Variants in ARFGEF1 observed in about 807,000 individuals in gnomAD.
ARFGEF1 encodes ARF guanine nucleotide exchange factor 1.
A neutral mutation model predicts 231.0 loss-of-function variants in ARFGEF1; 42 were observed. The observed-to-expected ratio is 0.18, with a 90% CI of 0.14 to 0.24. ARFGEF1 has a LOEUF of 0.24. ARFGEF1 is among the 10% of genes least tolerant of loss of function. The pLI is 1.00. For missense variants in ARFGEF1, 1,345 were observed against 2,192.0 expected, an observed-to-expected ratio of 0.61 and a Z score of 7.72; for synonymous variants, 710 against 732.3, an observed-to-expected ratio of 0.97 and a Z score of 0.49.
intron 1 of ARFGEF1, among the ~76,000 whole-genome samples, chr8:67,308,799 T>C (rs1425176373): frequency 6.6e-6 from 1 of 152,182 alleles, no homozygotes; most frequent in African/African-American, 2.4e-5. Flanking sequence ...ACATATTAAT[T>C]GTATATATTA....
At position 67,211,493 on chromosome 8, in the gene ARFGEF1, T is replaced by C; in HGVS notation, c.4809A>G (p.Lys1603=). ...SAVNEEVSKI[K]STAKFPEQKL... ...AGAGAAATAACTCACTTGCTGTAGA[T>C]TTAATTTTGCTGACTTCTTCATTAA... is the stretch of plus-strand genomic sequence containing the variant. Residue 1603 remains lysine, a synonymous_variant, in exon 34 of 39, where the codon AAA becomes AAG. Coordinates refer to ENST00000262215, the MANE Select transcript of ARFGEF1 (RefSeq NM_006421.5). 6.3e-7 allele frequency: 1 copy of C among 1,575,316 alleles called. No individual in the cohort carries two copies. The highest frequency in any genetic ancestry group is 2.3e-5 in the East Asian group (1 of 44,228).
At chr8:67,217,958 G>C (rs1286324316) in intron 31 of ARFGEF1, 38 bp from the exon 32 acceptor site, 7 of 1,612,140 alleles carry the variant, frequency 4.3e-6, no homozygotes, top group Non-Finnish European at 5.1e-6. Context: ...TATATTACCA[G>C]GGTCACATTT....
chr8:67,262,780 A>G (rs1804688782), intron 14 of ARFGEF1, among the ~76,000 whole-genome samples: 1 of 152,190 alleles, frequency 6.6e-6, no homozygotes, highest in South Asian at 2.1e-4. Context: ...GGTTACTAGT[A>G]TTTTTCAGCA....
intron 5 of ARFGEF1, among the ~76,000 whole-genome samples, chr8:67,176,311 A>C (rs1427425550): frequency 6.6e-6 from 1 of 152,160 alleles, no homozygotes; most frequent in African/African-American, 2.4e-5. Context: ...TTAAGACCCT[A>C]TCTTGGGAGG....
intron 9 of ARFGEF1, among the ~76,000 whole-genome samples, chr8:67,273,350 T>C (rs927295979): frequency 1.4e-5 from 2 of 144,520 alleles, no homozygotes; most frequent in African/African-American, 5.2e-5. Context: ...CCAAGGACAT[T>C]GAACCCAGGC....
rs1350630580 is a variant in ARFGEF1, at chr8:67,228,413, T to C, written c.3381-149A>G. ...AATGAGTATTTTTCATCATTTAGTT[T>C]AGTAACAAGTGTAGTCTGGATGTTT... is the stretch of plus-strand genomic sequence containing the variant. On this transcript the variant is annotated intron_variant, in intron 23 of 38. Transcript: ENST00000262215. The C allele has an allele frequency of 8.7e-6, 6 of 687,218 alleles. 1 individual carries two copies. The South Asian group carries it at 9.7e-5, about 11-fold the overall frequency. 42.6% of individuals were successfully genotyped at this position (687,218 alleles called of 1,614,324 possible).
At chr8:67,228,723 A>C (rs753055703) in intron 23 of ARFGEF1, among the ~76,000 whole-genome samples, 1 of 152,104 alleles carries the variant, frequency 6.6e-6, no homozygotes, top group Non-Finnish European at 1.5e-5. Context: ...AAGTGACTTA[A>C]TATAACCTTG....
At chr8:67,217,980 T>A (rs1028037434) in intron 31 of ARFGEF1, 23 bp downstream of exon 31, 1 of 1,611,886 alleles carries the variant, frequency 6.2e-7, no homozygotes, top group Non-Finnish European at 8.5e-7. Flanking sequence ...ACACTTTGTG[T>A]CACATATCTG....
At chr8:67,282,693 CA>C (rs779583843) in intron 7 of ARFGEF1, among the ~76,000 whole-genome samples, 3 of 151,530 alleles carry the variant, frequency 2.0e-5, no homozygotes, top group Non-Finnish European at 4.4e-5. Context: ...CAAAAAAATA[CA>C]AAAATTAGCC....
At chr8:67,221,460 C>CA (rs1007341403) in intron 29 of ARFGEF1, among the ~76,000 whole-genome samples, 1 of 149,630 alleles carries the variant, frequency 6.7e-6, no homozygotes, top group Non-Finnish European at 1.5e-5. Flanking sequence ...TAGTTTTTAA[C>CA]AAAAAAGTCT....
chr8:67,175,224 A>G (rs1831320632), downstream of ARFGEF1: 1 of 1,098,998 alleles, frequency 9.1e-7, no homozygotes, highest in African/African-American at 1.6e-5. Context: ...CATGTTACTT[A>G]CAGTGAAGTT....
At chr8:67,234,612 G>A (rs1032828436) in intron 22 of ARFGEF1, among the ~76,000 whole-genome samples, 3 of 152,206 alleles carry the variant, frequency 2.0e-5, no homozygotes, top group South Asian at 4.1e-4. Flanking sequence ...AAGAACAGCA[G>A]TAGGAGATAA....
chr8:67,188,064 T>TA (rs1241416622), intron 5 of ARFGEF1, among the ~76,000 whole-genome samples: 2 of 152,178 alleles, frequency 1.3e-5, no homozygotes, highest in African/African-American at 4.8e-5. Flanking sequence ...CTCTGCTCTA[T>TA]AAAAGACACT....
chr8:67,292,396 G>A (rs906882618), intron 5 of ARFGEF1, among the ~76,000 whole-genome samples: 3 of 152,004 alleles, frequency 2.0e-5, no homozygotes, highest in African/African-American at 4.8e-5. Context: ...TGAAACACAC[G>A]CACACACATT....
chr8:67,258,310 A>T lies in ARFGEF1; in HGVS notation c.2236-20T>A. 1 of 1,476,350 alleles carries T rather than the reference A, an allele frequency of 6.8e-7. No homozygotes were observed. The highest frequency in any genetic ancestry group is 9.3e-7 in the Non-Finnish European group (1 of 1,076,440). The allele number at this position is 1,476,350 out of a possible 1,614,324, so 91.5% of individuals were successfully genotyped here. A position where few individuals can be genotyped will look rare whatever the true frequency, so the allele number is the denominator to read the frequency against. On this transcript the variant is annotated intron_variant, in intron 15 of 38. Transcript: ENST00000262215. ...TTGAGTCTAAAGTAAAAACAGAGAT[A>T]GAAATTGATATTTTCTTTCTTTTTT... is the stretch of plus-strand genomic sequence containing the variant.
chr8:67,290,617 C>T (rs768321987), intron 6 of ARFGEF1, among the ~76,000 whole-genome samples: 6 of 152,122 alleles, frequency 3.9e-5, no homozygotes, highest in Middle Eastern at 3.2e-3. Flanking sequence ...GTGCCTAAGA[C>T]ACAGTATGCT....
Position 67,301,193 on chromosome 8 carries a change from C to G in ARFGEF1, c.312+31G>C, listed in dbSNP as rs769552399. 3.3e-6 allele frequency: 5 copies of G among 1,536,104 alleles called. No individual in the cohort carries two copies. The South Asian group carries it at 3.8e-5, about 12-fold the overall frequency. On this transcript the variant is annotated intron_variant, in intron 3 of 38. Transcript: ENST00000262215. ...GTTTTAGAAACACATTCAAAGTACA[C>G]AGTTTTTAGAAAGTGCCATTTTAGA...
rs1838998516 is a variant in ARFGEF1 at position 67,218,063 on chromosome 8, C to T, written c.4414G>A (p.Val1472Ile). The change falls in exon 31 of 39, where the codon GTA (valine) becomes ATA (isoleucine). Residue 1472 changes from valine to isoleucine, a missense_variant. Around this residue, in one of 14 missense-constraint regions of ARFGEF1, gnomAD observed 54 missense variants for 86.5 expected, o/e 0.62. Coordinates refer to ENST00000262215, the MANE Select transcript of ARFGEF1 (RefSeq NM_006421.5). ...TCATCCAAAAGTACATCACTGAGTA[C>T]TTCTAAATACTGAGTGAATACATCA... ...ICDVFTQYLE[V>I]LSDVLLDDIF... 2 of 1,608,950 alleles carry T rather than the reference C, an allele frequency of 1.2e-6. No individual in the cohort carries two copies. Among genetic ancestry groups the T allele is most frequent in the East Asian group, 4.5e-5 (2 of 44,766 alleles).
chr8:67,224,470 C>G (rs979705294), intron 29 of ARFGEF1, among the ~76,000 whole-genome samples: 1 of 152,070 alleles, frequency 6.6e-6, no homozygotes, highest in Non-Finnish European at 1.5e-5. Context: ...TATATTATTC[C>G]AAACTATGTT....
Sources: gnomAD v4.1 joint callset for allele counts (sites outside exome capture counted in the v4.1 genomes callset) on GRCh38, gnomAD v4.1.1 for gene constraint, gnomAD v4.1.1 regional missense constraint, MANE v1.5 for transcripts, NCBI Gene and HGNC (gene_info 2026-07-23, HGNC 2026-07-21) for gene names.